Variants in RBKS observed in about 807,000 individuals in gnomAD.
RBKS encodes ribokinase.
RBKS carries 33 observed loss-of-function variants against 33.9 expected under a neutral mutation model. The observed-to-expected ratio is 0.97, with a 90% CI of 0.74 to 1.30. The LOEUF (loss-of-function observed/expected upper bound fraction) is 1.30. RBKS is among the 50% of genes most tolerant of loss of function. The pLI, the probability that RBKS is intolerant of heterozygous loss-of-function variation, is 0.00. For synonymous variants in RBKS, 125 were observed against 143.0 expected (o/e 0.87, Z 0.90); for missense variants, 361 against 392.6 (o/e 0.92, Z 0.68).
intron 7 of RBKS, among the ~76,000 whole-genome samples, chr2:27,804,459 A>G (rs1217747581): frequency 6.6e-6 from 1 of 152,256 alleles, no homozygotes; most frequent in Non-Finnish European, 1.5e-5. Flanking sequence ...TTTTGAGCAA[A>G]ATCATTTCAT....
At chr2:27,828,198 T>A (rs1382836329) in intron 6 of RBKS, among the ~76,000 whole-genome samples, 1 of 151,894 alleles carries the variant, frequency 6.6e-6, no homozygotes, top group Non-Finnish European at 1.5e-5. Flanking sequence ...TACAGCAAAA[T>A]GTTAGCAAAT....
intron 1 of RBKS, among the ~76,000 whole-genome samples, chr2:27,872,790 G>C (rs893129137): frequency 3.9e-5 from 6 of 152,150 alleles, no homozygotes; most frequent in Non-Finnish European, 7.3e-5. Context: ...CAGACAGAAA[G>C]TCAGCCTAGC....
chr2:27,819,145 A>T (rs186526829), intron 7 of RBKS, among the ~76,000 whole-genome samples: 1 of 152,130 alleles, frequency 6.6e-6, no homozygotes, highest in Non-Finnish European at 1.5e-5. Context: ...AATAATAGAA[A>T]TTTATTTCTC....
chr2:27,803,164 C>A (rs1211515401), intron 7 of RBKS, among the ~76,000 whole-genome samples: 1 of 152,158 alleles, frequency 6.6e-6, no homozygotes, highest in Non-Finnish European at 1.5e-5. Context: ...CTTATCAGTG[C>A]ATATTTCTAT....
intron 1 of RBKS, among the ~76,000 whole-genome samples, chr2:27,884,685 G>C (rs1334230058): frequency 1.3e-5 from 2 of 152,138 alleles, no homozygotes; most frequent in Non-Finnish European, 2.9e-5. Context: ...GCAGGATTAA[G>C]CTTAGATGCT....
At chr2:27,841,289 A>C (rs1399307464) in intron 5 of RBKS, among the ~76,000 whole-genome samples, 3 of 152,194 alleles carry the variant, frequency 2.0e-5, no homozygotes, top group South Asian at 2.1e-4. Flanking sequence ...GTAACAGGCA[A>C]CTAGACTAGG....
intron 7 of RBKS, among the ~76,000 whole-genome samples, chr2:27,802,465 C>T (rs1455658699): frequency 1.3e-5 from 2 of 150,402 alleles, no homozygotes; most frequent in African/African-American, 4.9e-5. Context: ...TATGTGTGTA[C>T]GTGGTATAAA....
chr2:27,845,703 A>G (rs1257264608), intron 4 of RBKS, among the ~76,000 whole-genome samples: 1 of 152,190 alleles, frequency 6.6e-6, no homozygotes, highest in Non-Finnish European at 1.5e-5. Flanking sequence ...TGCTACTTGG[A>G]ATCACTAAAG....
At chr2:27,815,264 GT>G (rs1678065405) in intron 7 of RBKS, among the ~76,000 whole-genome samples, 1 of 151,924 alleles carries the variant, frequency 6.6e-6, no homozygotes, top group African/African-American at 2.4e-5. Context: ...CTGGAATATA[GT>G]GGCATGATCT....
chr2:27,872,544 G>A (rs967473211), intron 1 of RBKS, among the ~76,000 whole-genome samples: 2 of 152,014 alleles, frequency 1.3e-5, no homozygotes, highest in African/African-American at 4.8e-5. Context: ...GGCAAAGACA[G>A]ATAAAATATG....
intron 4 of RBKS, among the ~76,000 whole-genome samples, chr2:27,845,966 A>ATT (rs530014294): frequency 1.4e-5 from 2 of 145,300 alleles, no homozygotes; most frequent in Non-Finnish European, 1.5e-5. Context: ...GGTTGTTACC[A>ATT]TTTTTTTTTT....
chr2:27,829,979 A>T (rs1417552708), intron 6 of RBKS, among the ~76,000 whole-genome samples: 1 of 152,164 alleles, frequency 6.6e-6, no homozygotes, highest in Admixed American at 6.5e-5. Flanking sequence ...CCAGTCCGCT[A>T]TAAATGGCAC....
At chr2:27,819,214 G>A (rs954783406) in intron 7 of RBKS, among the ~76,000 whole-genome samples, 6 of 152,114 alleles carry the variant, frequency 3.9e-5, no homozygotes, top group African/African-American at 1.2e-4. Flanking sequence ...GTTTCATTCT[G>A]AGGCCTCTTC....
intron 7 of RBKS, among the ~76,000 whole-genome samples, chr2:27,818,346 T>G (rs1335480296): frequency 1.3e-5 from 2 of 152,178 alleles, no homozygotes; most frequent in Non-Finnish European, 2.9e-5. Flanking sequence ...ACAAGGAGCC[T>G]GTATCATGAC....
chr2:27,876,632 G>A (rs1664321079), intron 1 of RBKS, among the ~76,000 whole-genome samples: 1 of 152,144 alleles, frequency 6.6e-6, no homozygotes. Context: ...GGGATAGAAA[G>A]TAGAATAGTA....
At position 27,815,756 on chromosome 2, in the gene RBKS, C is replaced by T. The variant is rs533944010; in HGVS notation, c.795+11811G>A. Among the ~76,000 whole-genome samples, 8 of 152,262 alleles carry T rather than the reference C, an allele frequency of 5.3e-5. No individual in the cohort carries two copies. The South Asian group carries it at 1.2e-3, about 24-fold the overall frequency. On this transcript the variant is annotated intron_variant, in intron 7 of 7. Transcript: ENST00000302188. ...AGCTAAGAGGAAGCGAAATCCTAAT[C>T]GTAGATGGGTAAGCAAGCTCCCATA...
chr2:27,855,699 G>A (rs1663845827), intron 2 of RBKS, among the ~76,000 whole-genome samples: 1 of 152,158 alleles, frequency 6.6e-6, no homozygotes, highest in Admixed American at 6.5e-5. Context: ...TAACTCTTAA[G>A]TACTTGAAGT....
intron 6 of RBKS, among the ~76,000 whole-genome samples, chr2:27,830,585 G>A (rs1558543972): frequency 6.6e-6 from 1 of 151,476 alleles, no homozygotes; most frequent in East Asian, 1.9e-4. Flanking sequence ...AGCTTTTAAT[G>A]TTTTTCTTTC....
At chr2:27,811,795 T>C (rs1677990095) in intron 7 of RBKS, among the ~76,000 whole-genome samples, 1 of 152,138 alleles carries the variant, frequency 6.6e-6, no homozygotes, top group African/African-American at 2.4e-5. Flanking sequence ...TCCAAGCAGT[T>C]TGCTGGTCCG....
Sources: gnomAD v4.1 joint callset for allele counts (sites outside exome capture counted in the v4.1 genomes callset) on GRCh38, gnomAD v4.1.1 for gene constraint, MANE v1.5 for transcripts, NCBI Gene and HGNC (gene_info 2026-07-23, HGNC 2026-07-21) for gene names.